SLC9A9: variants seen among roughly 807,000 people sequenced by gnomAD.
SLC9A9 encodes the protein sodium/hydrogen exchanger 9.
A neutral mutation model predicts 77.8 loss-of-function variants in SLC9A9; 62 were observed. That is an observed-to-expected ratio of 0.80 (90% confidence interval 0.65 to 0.98). The LOEUF (loss-of-function observed/expected upper bound fraction) is 0.98, where lower values mean the gene tolerates loss of function less well. SLC9A9 is among the 50% of genes least tolerant of loss of function. The probability of loss-of-function intolerance (pLI) is 0.00; values close to 1 mark genes in which losing one functional copy is unlikely to be tolerated. For missense variants in SLC9A9, 775 were observed against 774.9 expected (o/e 1.00, Z 0.00); for synonymous variants, 320 against 283.5 (o/e 1.13, Z -1.29).
At chr3:143,375,472 G>A (rs2033161907) in intron 13 of SLC9A9, among the ~76,000 whole-genome samples, 1 of 152,174 alleles carries the variant, frequency 6.6e-6, no homozygotes, top group Admixed American at 6.5e-5. Context: ...AAGAAACCTT[G>A]CCTGTTTTTG....
intron 4 of SLC9A9, among the ~76,000 whole-genome samples, chr3:143,708,132 T>C (rs920655272): frequency 6.6e-6 from 1 of 151,608 alleles, no homozygotes; most frequent in African/African-American, 2.4e-5. Flanking sequence ...TGACATGCAG[T>C]GGGAGGTAGA....
At chr3:143,638,947 C>G (rs931703980) in intron 6 of SLC9A9, among the ~76,000 whole-genome samples, 2 of 152,128 alleles carry the variant, frequency 1.3e-5, no homozygotes, top group Admixed American at 1.3e-4. Context: ...TAATTTAGAC[C>G]AAAATTATTA....
At chr3:143,706,613 C>G (rs151026316) in intron 4 of SLC9A9, among the ~76,000 whole-genome samples, 1 of 152,118 alleles carries the variant, frequency 6.6e-6, no homozygotes, top group African/African-American at 2.4e-5. Flanking sequence ...AATCCTGTAT[C>G]GGATATCTTG....
rs545956757 is a variant in SLC9A9, at chr3:143,358,752, A to C, written c.1604+4732T>G. ...ATCAATTTCTTCTTCTTACTTCCTCATTATGAGAGATTGCTAGTGAGGATG... is the reference window on the plus strand; with the variant it reads ...ATCAATTTCTTCTTCTTACTTCCTCCTTATGAGAGATTGCTAGTGAGGATG... On this transcript the variant is annotated intron_variant, in intron 14 of 15. Transcript: ENST00000316549. Among the ~76,000 whole-genome samples the C allele has an allele frequency of 4.6e-5, 7 of 152,318 alleles. No individual in the cohort carries two copies. In the South Asian group the frequency reaches 1.4e-3, roughly 32 times the overall value.
At chr3:143,361,785 G>T (rs1426070183) in intron 14 of SLC9A9, among the ~76,000 whole-genome samples, 1 of 152,136 alleles carries the variant, frequency 6.6e-6, no homozygotes, top group East Asian at 1.9e-4. Context: ...GACATCATCT[G>T]AATTTAGTGT....
chr3:143,465,919 C>CT (rs2035273076), intron 12 of SLC9A9, among the ~76,000 whole-genome samples: 1 of 152,172 alleles, frequency 6.6e-6, no homozygotes, highest in South Asian at 2.1e-4. Context: ...TCAGGAAGTC[C>CT]TTTTTTTCCT....
intron 6 of SLC9A9, among the ~76,000 whole-genome samples, chr3:143,634,029 T>A (rs1181606248): frequency 6.6e-6 from 1 of 152,242 alleles, no homozygotes; most frequent in Non-Finnish European, 1.5e-5. Context: ...AGTGAACATG[T>A]GCTGCCTTTC....
chr3:143,359,767 C>T (rs2032693289), intron 14 of SLC9A9, among the ~76,000 whole-genome samples: 1 of 152,192 alleles, frequency 6.6e-6, no homozygotes, highest in Non-Finnish European at 1.5e-5. Flanking sequence ...AGCTTGGCTA[C>T]AGTGAGTCCA....
chr3:143,441,834 T>TCATTCATC (rs1553755021), intron 12 of SLC9A9, among the ~76,000 whole-genome samples: 11,994 of 129,522 alleles, frequency 0.093, 555 homozygotes, highest in African/African-American at 0.12. Flanking sequence ...ATTTACTCAT[T>TCATTCATC]CATCCATCCA....
intron 12 of SLC9A9, among the ~76,000 whole-genome samples, chr3:143,413,928 T>A (rs777838895): frequency 9.9e-5 from 15 of 152,234 alleles, no homozygotes; most frequent in Non-Finnish European, 1.6e-4. Context: ...CTGTGCCCCC[T>A]TTAAAAATCC....
chr3:143,676,398 CA>C (rs1932887433), intron 5 of SLC9A9, among the ~76,000 whole-genome samples: 1 of 152,100 alleles, frequency 6.6e-6, no homozygotes, highest in Non-Finnish European at 1.5e-5. Flanking sequence ...CAAAAACAAA[CA>C]AACAAACAAA....
chr3:143,843,524 A>T (rs1316243448), intron 1 of SLC9A9, among the ~76,000 whole-genome samples: 1 of 152,226 alleles, frequency 6.6e-6, no homozygotes, highest in East Asian at 1.9e-4. Context: ...ATGTAAACTT[A>T]GTGCCTTGAA....
chr3:143,367,635 G>T (rs555141831), intron 13 of SLC9A9, among the ~76,000 whole-genome samples: 63 of 152,304 alleles, frequency 4.1e-4, no homozygotes, highest in African/African-American at 1.5e-3. Flanking sequence ...AACAGGGAAG[G>T]TATCTGATGA....
intron 4 of SLC9A9, among the ~76,000 whole-genome samples, chr3:143,713,774 TAAAAC>T (rs1934259542): frequency 6.6e-6 from 1 of 152,092 alleles, no homozygotes; most frequent in Non-Finnish European, 1.5e-5. Context: ...ATTTGGGAAA[TAAAAC>T]GAGATAACTT....
chr3:143,762,641 T>G (rs142624862), intron 4 of SLC9A9, among the ~76,000 whole-genome samples: 57 of 152,274 alleles, frequency 3.7e-4, no homozygotes, highest in African/African-American at 1.3e-3. Flanking sequence ...TTCTCAAGTT[T>G]ATCTGAGCTT....
intron 11 of SLC9A9, among the ~76,000 whole-genome samples, chr3:143,493,266 G>A (rs924891538): frequency 6.6e-5 from 10 of 152,146 alleles, no homozygotes; most frequent in African/African-American, 2.4e-4. Flanking sequence ...AAGGAACACT[G>A]GATAAGGGGC....
intron 12 of SLC9A9, among the ~76,000 whole-genome samples, chr3:143,428,153 A>T (rs1418761857): frequency 1.3e-5 from 2 of 152,200 alleles, no homozygotes; most frequent in East Asian, 3.8e-4. Context: ...AGAGACTGGG[A>T]GGAAGTATTT....
chr3:143,791,470 C>T (rs16854336), intron 4 of SLC9A9, among the ~76,000 whole-genome samples: 22,363 of 152,190 alleles, frequency 0.15, 2,029 homozygotes, highest in East Asian at 0.31. Context: ...TCCACAATCT[C>T]TCTCCATGGC....
intron 11 of SLC9A9, among the ~76,000 whole-genome samples, chr3:143,478,040 A>C (rs569455717): frequency 6.6e-6 from 1 of 152,168 alleles, no homozygotes; most frequent in South Asian, 2.1e-4. Flanking sequence ...TGGGGCCTTC[A>C]TTTGGCTCCA....
Sources: allele counts gnomAD v4.1 joint callset (sites outside exome capture counted in the v4.1 genomes callset), GRCh38; gene constraint gnomAD v4.1.1; transcripts MANE v1.5; gene names NCBI Gene and HGNC (gene_info 2026-07-23, HGNC 2026-07-21).